Variants in HNRNPC observed in about 807,000 individuals in gnomAD.
The protein encoded by HNRNPC is heterogeneous nuclear ribonucleoproteins C1/C2.
Under a neutral mutation model 33.2 loss-of-function variants are expected in HNRNPC, and 3 were observed. The ratio of observed to expected loss-of-function variants is 0.09; its 90% confidence interval spans 0.04 to 0.23. The LOEUF (loss-of-function observed/expected upper bound fraction) is 0.23, where lower values mean the gene tolerates loss of function less well. Among genes scored for constraint, HNRNPC ranks in the 10% least tolerant of loss-of-function variants. HNRNPC has a pLI of 1.00. For missense variants in HNRNPC, 143 were observed against 366.7 expected (o/e 0.39, Z 4.98); for synonymous variants, 121 against 126.7 (o/e 0.96, Z 0.30).
At chr14:21,268,718 T>C (rs976541558) in intron 1 of HNRNPC, 3 of 152,220 alleles carry the variant, frequency 2.0e-5, no homozygotes, top group East Asian at 1.9e-4. Context: ...TATCACAATA[T>C]TTCCTTTTAC....
At chr14:21,263,572 T>TA (rs1366376802) in intron 1 of HNRNPC, 1 of 152,024 alleles carries the variant, frequency 6.6e-6, no homozygotes, top group Non-Finnish European at 1.5e-5. Context: ...CCTCCTCCTC[T>TA]AACCCAACTG....
chr14:21,263,580 C>T (rs1191166972), intron 1 of HNRNPC: 1 of 151,940 alleles, frequency 6.6e-6, no homozygotes, highest in Non-Finnish European at 1.5e-5. Context: ...TCTAACCCAA[C>T]TGCTGCAGAA....
At chr14:21,221,557 C>T (rs1892824814) in intron 5 of HNRNPC, among the ~76,000 whole-genome samples, 1 of 152,150 alleles carries the variant, frequency 6.6e-6, no homozygotes, top group Non-Finnish European at 1.5e-5. Context: ...TACAAAACGA[C>T]TTAGCACAAA....
intron 2 of HNRNPC, among the ~76,000 whole-genome samples, chr14:21,257,371 T>A (rs763783388): frequency 6.7e-6 from 1 of 149,208 alleles, no homozygotes; most frequent in Non-Finnish European, 1.5e-5. Flanking sequence ...AACAAAAACC[T>A]GGAAGCAAAG....
intron 5 of HNRNPC, among the ~76,000 whole-genome samples, chr14:21,222,374 ATTTGTT>A (rs1207670590): frequency 3.3e-5 from 5 of 152,104 alleles, no homozygotes; most frequent in South Asian, 2.1e-4. Flanking sequence ...CCATGGCAGA[ATTTGTT>A]TTTGTTTTTT....
At chr14:21,213,828 A>T (rs1040967350) in intron 5 of HNRNPC, among the ~76,000 whole-genome samples, 6 of 152,266 alleles carry the variant, frequency 3.9e-5, no homozygotes, top group Non-Finnish European at 7.4e-5. Flanking sequence ...CTTGTTCACT[A>T]CTCACCTATG....
intron 3 of HNRNPC, among the ~76,000 whole-genome samples, chr14:21,232,675 A>G (rs993637752): frequency 1.3e-5 from 2 of 152,164 alleles, no homozygotes; most frequent in African/African-American, 4.8e-5. Flanking sequence ...CCAAATGTGG[A>G]TATCTTAAAC....
intron 2 of HNRNPC, among the ~76,000 whole-genome samples, chr14:21,246,230 A>C (rs189510644): frequency 3.3e-5 from 5 of 152,190 alleles, no homozygotes; most frequent in African/African-American, 1.2e-4. Flanking sequence ...CATTTCATTC[A>C]AACTCTTCCC....
intron 2 of HNRNPC, chr14:21,234,764 C>T (rs988992578): frequency 2.0e-5 from 3 of 152,534 alleles, no homozygotes; most frequent in African/African-American, 7.2e-5. Flanking sequence ...ATAGCTTACA[C>T]TTACCCATTA....
intron 2 of HNRNPC, among the ~76,000 whole-genome samples, chr14:21,251,608 G>C (rs1039416158): frequency 1.3e-5 from 2 of 152,006 alleles, no homozygotes; most frequent in Non-Finnish European, 2.9e-5. Context: ...CTTGAACCCG[G>C]GAAGTGGAGG....
intron 1 of HNRNPC, among the ~76,000 whole-genome samples, chr14:21,265,884 G>A (rs988165891): frequency 3.2e-4 from 49 of 152,182 alleles, no homozygotes; most frequent in African/African-American, 1.1e-3. Context: ...TCTTCTAAAG[G>A]GGCACCTCTC....
intron 2 of HNRNPC, among the ~76,000 whole-genome samples, chr14:21,257,273 C>T (rs1877382355): frequency 6.6e-6 from 1 of 151,878 alleles, no homozygotes; most frequent in African/African-American, 2.4e-5. Context: ...TGAAATTGGA[C>T]CCAGAGTGTG....
chr14:21,251,865 T>C (rs1896718925), intron 2 of HNRNPC, among the ~76,000 whole-genome samples: 1 of 152,184 alleles, frequency 6.6e-6, no homozygotes, highest in South Asian at 2.1e-4. Context: ...ATCAGTTTTT[T>C]TTGCCAAATT....
Position 21,260,199 on chromosome 14 carries a change from CAA to C in HNRNPC, c.-37+3110_-37+3111del, listed in dbSNP as rs539169114. Among the ~76,000 whole-genome samples the C allele has an allele frequency of 7.6e-3, 720 of 94,878 alleles. 12 individuals are homozygous for C. Among genetic ancestry groups the C allele is most frequent in the African/African-American group, 0.027 (664 of 24,990 alleles). 62.2% of individuals were successfully genotyped at this position (94,878 alleles called of 152,430 possible). ...TGGGCAACAGAACAAGACTCCATCT[CAA>C]AAAAAAAAAAAAAAAATTAGCCGGG... is the stretch of plus-strand genomic sequence containing the variant. On this transcript the variant is annotated intron_variant, in intron 2 of 8. Transcript: ENST00000553300.
intron 2 of HNRNPC, among the ~76,000 whole-genome samples, chr14:21,254,990 A>C (rs1411582668): frequency 6.6e-6 from 1 of 152,172 alleles, no homozygotes; most frequent in South Asian, 2.1e-4. Flanking sequence ...CTCTAGCATG[A>C]ATTCCACAAA....
chr14:21,224,503 TTTGACTA>T (rs1893194362), intron 5 of HNRNPC, among the ~76,000 whole-genome samples: 2 of 152,216 alleles, frequency 1.3e-5, no homozygotes, highest in African/African-American at 4.8e-5. Context: ...AATCTCAGCT[TTTGACTA>T]TTATTTTCCT....
intron 2 of HNRNPC, among the ~76,000 whole-genome samples, chr14:21,245,084 C>CAAAAAAA (rs71112560): frequency 1.6e-4 from 9 of 54,592 alleles, no homozygotes; most frequent in Admixed American, 3.5e-4. Context: ...GACTCCATCT[C>CAAAAAAA]AAAAAAAAAA....
chr14:21,215,088 G>T (rs926937364), intron 5 of HNRNPC, among the ~76,000 whole-genome samples: 2 of 152,098 alleles, frequency 1.3e-5, no homozygotes, highest in Non-Finnish European at 2.9e-5. Flanking sequence ...GTTTTGTTTT[G>T]AATCTATGTA....
In HNRNPC at chr14:21,211,135, G is replaced by A. The variant is rs1158815901; in HGVS notation, c.*88C>T. The A allele has an allele frequency of 1.5e-6, 2 of 1,292,106 alleles. No individual in the cohort carries two copies. Among genetic ancestry groups the A allele is most frequent in the Non-Finnish European group, 2.2e-6 (2 of 903,242 alleles). 80.0% of individuals were successfully genotyped at this position (1,292,106 alleles called of 1,614,324 possible). On this transcript the variant is annotated 3_prime_UTR_variant, in exon 9 of 9. Coordinates refer to ENST00000553300, the MANE Select transcript of HNRNPC (RefSeq NM_004500.4). The stretch of plus-strand genomic sequence containing the variant: ...CAGTGAGCATGTGCTGAAGATACTA[G>A]GGGAGAGGATCTGGTGAAAAATTTG...
Sources: gnomAD v4.1 joint callset for allele counts (sites outside exome capture counted in the v4.1 genomes callset) on GRCh38, gnomAD v4.1.1 for gene constraint, MANE v1.5 for transcripts, NCBI Gene and HGNC (gene_info 2026-07-23, HGNC 2026-07-21) for gene names.